The following LTF variants were observed in gnomAD, a reference collection of about 807,000 sequenced individuals.
LTF encodes epididymis luminal protein 110.
A neutral mutation model predicts 87.2 loss-of-function variants in LTF; 91 were observed. That is an observed-to-expected ratio of 1.04 (90% CI 0.88 to 1.24). LTF has a LOEUF of 1.24. LTF is among the 50% of genes most tolerant of loss of function. The probability of loss-of-function intolerance (pLI) is 0.00; values close to 1 mark genes in which losing one functional copy is unlikely to be tolerated. For synonymous variants in LTF, 378 were observed against 356.1 expected (o/e 1.06, Z -0.69); for missense variants, 901 against 904.3 (o/e 1.00, Z 0.05).
chr3:46,463,289 C>T (rs558616273), intron 1 of LTF, among the ~76,000 whole-genome samples: 3 of 152,340 alleles, frequency 2.0e-5, no homozygotes, highest in African/African-American at 7.2e-5. Flanking sequence ...AGTTACTCTC[C>T]CCACCTACCC....
intron 6 of LTF, 67 bp from the exon 7 acceptor site, chr3:46,450,740 T>G: frequency 6.9e-6 from 9 of 1,302,086 alleles, no homozygotes; most frequent in Non-Finnish European, 9.9e-6. Context: ...CGAGCTATAG[T>G]TCCCCTTCTC....
upstream of LTF, among the ~76,000 whole-genome samples, chr3:46,466,161 G>A (rs1703208991): frequency 2.0e-5 from 3 of 152,006 alleles, no homozygotes; most frequent in South Asian, 6.2e-4. Flanking sequence ...GACCATTTGA[G>A]CCTGGGAGAT....
rs539868477 is a variant in LTF, at chr3:46,450,002, C to T, written c.909G>A (p.Pro303=). Residue 303 remains proline (P), a synonymous_variant, in exon 8 of 17, where the codon CCG becomes CCA. Transcript: ENST00000231751. ...AQEKFGKDKS[P]KFQLFGSPSG... is the part of the protein sequence containing the mutation. ...TAGGGGAGCCAAAGAGCTGGAATTTCGGTGACTTGTCCTTTCCAAACTTTT... is the reference window on the plus strand; with the variant it reads ...TAGGGGAGCCAAAGAGCTGGAATTTTGGTGACTTGTCCTTTCCAAACTTTT... 34 of 1,608,294 alleles carry T rather than the reference C, an allele frequency of 2.1e-5. No homozygotes were observed. Among genetic ancestry groups the T allele is most frequent in the Middle Eastern group, 1.7e-4 (1 of 6,018 alleles).
intron 3 of LTF, 101 bp from the exon 4 acceptor site, chr3:46,456,079 T>A (rs1702922378): frequency 8.7e-7 from 1 of 1,152,700 alleles, no homozygotes; most frequent in African/African-American, 1.5e-5. Flanking sequence ...AATGCTGTGC[T>A]GCAGTTTCCT....
upstream of LTF, chr3:46,464,984 C>G: frequency 1.0e-6 from 1 of 996,126 alleles, no homozygotes; most frequent in Admixed American, 2.4e-5. Flanking sequence ...CTTCCCTCCC[C>G]ACTCCCCGCG....
chr3:46,445,304 T>C lies in LTF; in HGVS notation c.1490A>G (p.Asn497Ser). ...ACCAAATTTGCAGGAGCCCGTCTGG[T>C]TGAAGAGCAGGCCCATGGGGATATT... The part of the protein sequence containing the change: ...GWNIPMGLLF[N>S]QTGSCKFDEY... The change falls in exon 12 of 17, where the codon AAC (asparagine) becomes AGC (serine). Residue 497 changes from asparagine (N) to serine (S), a missense_variant. Coordinates refer to ENST00000231751, the MANE Select transcript of LTF (RefSeq NM_002343.6). 1.9e-6 allele frequency: 3 copies of C among 1,611,906 alleles called. No individual in the cohort carries two copies. The highest frequency in any genetic ancestry group is 2.5e-6 in the Non-Finnish European group (3 of 1,179,014).
intron 10 of LTF, among the ~76,000 whole-genome samples, chr3:46,446,944 G>A (rs1206192894): frequency 6.6e-6 from 1 of 152,198 alleles, no homozygotes; most frequent in Non-Finnish European, 1.5e-5. Context: ...AAGGGGGCGG[G>A]GGACAGGAGG....
At chr3:46,464,404 G>T (rs899643111) in intron 1 of LTF, among the ~76,000 whole-genome samples, 9 of 152,154 alleles carry the variant, frequency 5.9e-5, no homozygotes, top group African/African-American at 2.2e-4. Context: ...TCTCATAAAG[G>T]CTCGGTCTTG....
At position 46,438,027 on chromosome 3, in the gene LTF, T is replaced by C. The variant is rs756085307; in HGVS notation, c.2011A>G (p.Arg671Gly). The change falls in exon 16 of 17, where the codon AGA becomes GGA. Residue 671 changes from arginine (R) to glycine (G), a missense_variant. Coordinates refer to ENST00000231751, the MANE Select transcript of LTF (RefSeq NM_002343.6). ...LFNDNTECLA[R>G]LHGKTTYEKY... is the part of the protein sequence containing the mutation. ...TCATATGTTGTTTTGCCATGGAGTCTGGCCAGACACTCAGTGTTGTCATTG... is the reference window on the plus strand; with the variant it reads ...TCATATGTTGTTTTGCCATGGAGTCCGGCCAGACACTCAGTGTTGTCATTG... The C allele has an allele frequency of 1.9e-6, 3 of 1,614,106 alleles. No individual in the cohort carries two copies. Among genetic ancestry groups the C allele is most frequent in the Non-Finnish European group, 2.5e-6 (3 of 1,179,978 alleles).
At position 46,459,659 on chromosome 3, in the gene LTF, A is replaced by C; in HGVS notation, c.204T>G (p.Ile68Met). Residue 68 changes from isoleucine (I) to methionine (M), a missense_variant, in exon 2 of 17, where the codon ATT becomes ATG. Physicochemically the swap from Ile to Met is conservative, Grantham distance 10 (BLOSUM62 1). Transcript: ENST00000231751. ...RDSPIQCIQA[I>M]AENRADAVTL... is the part of the protein sequence containing the mutation. Reference sequence around the variant, plus strand: ...CCAACACCCGGCATTGACTCACCGCAATGGCCTGGATACACTGGATGGGGG... The same window carrying C: ...CCAACACCCGGCATTGACTCACCGCCATGGCCTGGATACACTGGATGGGGG... 6.8e-7 allele frequency: 1 copy of C among 1,463,472 alleles called. No individual in the cohort carries two copies. Among genetic ancestry groups the C allele is most frequent in the Non-Finnish European group, 9.1e-7 (1 of 1,103,934 alleles). The allele number at this position is 1,463,472 out of a possible 1,614,324, so 90.7% of individuals were successfully genotyped here.
intron 2 of LTF, among the ~76,000 whole-genome samples, chr3:46,456,993 T>C (rs1702954104): frequency 6.6e-6 from 1 of 152,202 alleles, no homozygotes; most frequent in Admixed American, 6.5e-5. Context: ...TGGATTCTCA[T>C]AGGGAGTGCA....
Position 46,473,543 on chromosome 3 carries a change from A to G in LTF, c.-319-3077T>C, listed in dbSNP as rs142322242. On this transcript the variant is annotated intron_variant, in intron 1 of 19. Coordinates refer to the LTF transcript ENST00000443496. ...CAATGCTGAAGATCAGAGTTTCAAA[A>G]TCAGCAGTGAACTAAAGAATGTAGG... Among the ~76,000 whole-genome samples the G allele has an allele frequency of 7.8e-4, 119 of 152,358 alleles. 1 individual carries two copies. Among genetic ancestry groups the G allele is most frequent in the African/African-American group, 2.6e-3 (109 of 41,588 alleles).
intron 14 of LTF, among the ~76,000 whole-genome samples, chr3:46,439,815 G>A (rs2106829711): frequency 6.8e-6 from 1 of 147,400 alleles, no homozygotes; most frequent in Non-Finnish European, 1.5e-5. Flanking sequence ...GGTGGCTCAT[G>A]CCTGTAATCC....
At chr3:46,447,455 G>T in intron 9 of LTF, 57 bp from the exon 10 acceptor site, 1 of 1,168,498 alleles carries the variant, frequency 8.6e-7, no homozygotes, top group Non-Finnish European at 1.3e-6. Flanking sequence ...CGTCCTGCCT[G>T]TCTATATAGC....
chr3:46,443,677 T>A, intron 12 of LTF, 95 bp from the exon 13 acceptor site: 1 of 1,233,652 alleles, frequency 8.1e-7, no homozygotes, highest in Non-Finnish European at 1.2e-6. Context: ...TTCAGTTCAT[T>A]AGACTTCCCA....
chr3:46,472,488 T>TTGTGTGTG (rs34825595), intron 1 of LTF, among the ~76,000 whole-genome samples: 8,112 of 105,724 alleles, frequency 0.077, 417 homozygotes, highest in East Asian at 0.18. Context: ...GAAAAGATTA[T>TTGTGTGTG]TGTGTGTGTG....
At chr3:46,462,339 C>T (rs181278558) in intron 1 of LTF, among the ~76,000 whole-genome samples, 2 of 152,272 alleles carry the variant, frequency 1.3e-5, no homozygotes, top group African/African-American at 2.4e-5. Context: ...TGGAGACATA[C>T]GTGTCTCCAT....
At chr3:46,468,582 G>A (rs1277164921), upstream of LTF, among the ~76,000 whole-genome samples, 1 of 152,198 alleles carries the variant, frequency 6.6e-6, no homozygotes. Context: ...CTCCCTGCAA[G>A]CCAGTAAACC....
intron 1 of LTF, among the ~76,000 whole-genome samples, chr3:46,479,984 T>G (rs1703412669): frequency 6.6e-6 from 1 of 152,156 alleles, no homozygotes; most frequent in Non-Finnish European, 1.5e-5. Flanking sequence ...GTGTTTGGCC[T>G]GAGAAACTAA....
Sources: allele counts gnomAD v4.1 joint callset (sites outside exome capture counted in the v4.1 genomes callset), GRCh38; gene constraint gnomAD v4.1.1; transcripts MANE v1.5; gene names NCBI Gene and HGNC (gene_info 2026-07-23, HGNC 2026-07-21).